BRF1: variants seen among roughly 807,000 people sequenced by gnomAD.
The protein encoded by BRF1 is BRF1 general transcription factor IIIB subunit, also known as transcription factor IIIB 90 kDa subunit.
BRF1 carries 59 observed loss-of-function variants against 81.7 expected under a neutral mutation model. The ratio of observed to expected loss-of-function variants is 0.72; its 90% CI spans 0.59 to 0.90. BRF1 has a LOEUF of 0.90. BRF1 is among the 40% of genes least tolerant of loss of function. The probability of loss-of-function intolerance (pLI) is 0.00; values close to 1 mark genes in which losing one functional copy is unlikely to be tolerated. For missense variants in BRF1, 1,050 were observed against 936.3 expected (o/e 1.12, Z -1.58); for synonymous variants, 491 against 395.6 (o/e 1.24, Z -2.86).
intron 6 of BRF1, among the ~76,000 whole-genome samples, 196 bp from the exon 7 acceptor site, chr14:105,229,109 C>G (rs2018404): frequency 6.6e-6 from 1 of 152,122 alleles, no homozygotes; most frequent in Admixed American, 6.5e-5. Context: ...TTGTGGGTGG[C>G]GGCTGCACCC....
intron 1 of BRF1, chr14:105,314,663 G>C (rs1211721910): frequency 7.0e-6 from 1 of 143,850 alleles, no homozygotes; most frequent in Non-Finnish European, 1.5e-5. Flanking sequence ...CGCCGGCGCG[G>C]GTCGGAGGGC....
intron 3 of BRF1, among the ~76,000 whole-genome samples, chr14:105,263,453 C>T (rs945358094): frequency 1.3e-5 from 2 of 151,992 alleles, no homozygotes; most frequent in Admixed American, 6.6e-5. Flanking sequence ...AGGCTGAGGC[C>T]CGCCAAGCCC....
intron 14 of BRF1, 72 bp downstream of exon 14, chr14:105,218,926 A>G (rs1891782457): frequency 6.2e-7 from 1 of 1,600,224 alleles, no homozygotes; most frequent in Admixed American, 1.7e-5. Context: ...GGGAAGGGAC[A>G]TTCCAGAGAC....
chr14:105,250,516 C>T (rs144025748), intron 5 of BRF1: 10 of 1,613,958 alleles, frequency 6.2e-6, no homozygotes, highest in African/African-American at 2.7e-5. Flanking sequence ...CGGCCAGTGC[C>T]GTCCTGGACG....
At chr14:105,302,445 C>T (rs1480674553), upstream of BRF1, among the ~76,000 whole-genome samples, 4 of 152,018 alleles carry the variant, frequency 2.6e-5, no homozygotes, top group East Asian at 5.8e-4. Context: ...TCAGGTGATC[C>T]GCCCACTTCA....
chr14:105,250,429 C>T lies in BRF1; in HGVS notation c.544+2078G>A, dbSNP rs587637269. 43 of 1,613,952 alleles carry T rather than the reference C, an allele frequency of 2.7e-5. No individual in the cohort carries two copies. In the East Asian group the frequency reaches 9.6e-4, roughly 36 times the overall value. On this transcript the variant is annotated intron_variant, in intron 5 of 17. Coordinates refer to ENST00000547530, the MANE Select transcript of BRF1 (RefSeq NM_001519.4). ...TTCTGGCTCAGAACTTGACCAAGTT[C>T]ATGTCAGACGGATCCAGTAACACCT...
At chr14:105,212,076 CA>C in intron 16 of BRF1, 36 bp downstream of exon 16, 2 of 1,608,088 alleles carry the variant, frequency 1.2e-6, no homozygotes, top group South Asian at 2.2e-5. Flanking sequence ...GGCTGCCTCC[CA>C]AGGTCTCCCT....
intron 5 of BRF1, chr14:105,250,188 T>G: frequency 6.2e-7 from 1 of 1,612,980 alleles, no homozygotes; most frequent in Non-Finnish European, 8.5e-7. Flanking sequence ...CGCCTGGACT[T>G]TCCCCTGACC....
intron 6 of BRF1, among the ~76,000 whole-genome samples, chr14:105,229,608 C>A (rs1205858720): frequency 6.6e-6 from 1 of 152,248 alleles, no homozygotes; most frequent in African/African-American, 2.4e-5. Flanking sequence ...TGGGGGGTCA[C>A]AGAGGTCCAA....
intron 3 of BRF1, among the ~76,000 whole-genome samples, chr14:105,270,259 C>T (rs1313370248): frequency 1.3e-5 from 2 of 151,630 alleles, no homozygotes; most frequent in South Asian, 2.1e-4. Flanking sequence ...CTGCAAGCTC[C>T]GCCTCCCGGG....
chr14:105,256,682 G>T, intron 3 of BRF1, 133 bp from the exon 4 acceptor site: 1 of 1,385,614 alleles, frequency 7.2e-7, no homozygotes, highest in South Asian at 1.4e-5. Context: ...CTCCACCTTT[G>T]ATCAGGAAGG....
In BRF1 at chr14:105,300,775, C is replaced by A; in HGVS notation, c.-146G>T. Reference sequence around the variant, plus strand: ...CCCCGCTCCAGCCGATTCGCAGCCGCAGATTCGCCGCGCGCGCCCGGGCCG... The same window carrying A: ...CCCCGCTCCAGCCGATTCGCAGCCGAAGATTCGCCGCGCGCGCCCGGGCCG... On this transcript the variant is annotated 5_prime_UTR_variant, in exon 1 of 18. Coordinates refer to ENST00000547530, the MANE Select transcript of BRF1 (RefSeq NM_001519.4). 1.8e-6 allele frequency: 1 copy of A among 557,736 alleles called. No homozygotes were observed. Among genetic ancestry groups the A allele is most frequent in the Non-Finnish European group, 2.5e-6 (1 of 402,806 alleles). The allele number at this position is 557,736 out of a possible 1,614,324, so 34.5% of individuals were successfully genotyped here. A position where few individuals can be genotyped will look rare whatever the true frequency, so the allele number is the denominator to read the frequency against.
chr14:105,249,607 G>A (rs754475864), intron 5 of BRF1: 4 of 1,589,584 alleles, frequency 2.5e-6, no homozygotes, highest in South Asian at 2.3e-5. Context: ...GTGCTTGGGA[G>A]CCAGCCCCTG....
intron 2 of BRF1, among the ~76,000 whole-genome samples, chr14:105,285,974 CA>C (rs1433984470): frequency 5.3e-5 from 8 of 152,224 alleles, no homozygotes; most frequent in African/African-American, 1.4e-4. Context: ...TGACAAAACG[CA>C]GTGAGAATGT....
At chr14:105,211,317 A>C in intron 16 of BRF1, 24 bp from the exon 17 acceptor site, 1 of 1,565,780 alleles carries the variant, frequency 6.4e-7, no homozygotes, top group Non-Finnish European at 8.7e-7. Context: ...GGGCTCTGAC[A>C]CACACAGAGC....
intron 10 of BRF1, among the ~76,000 whole-genome samples, chr14:105,224,713 A>G (rs1255099063): frequency 3.3e-5 from 5 of 152,082 alleles, no homozygotes; most frequent in Non-Finnish European, 7.4e-5. Flanking sequence ...ATGCCCAGCT[A>G]ATTTTTTTAT....
At chr14:105,310,533 C>CAAAA (rs764203821) in intron 1 of BRF1, among the ~76,000 whole-genome samples, 22 of 79,502 alleles carry the variant, frequency 2.8e-4, no homozygotes, top group Admixed American at 7.6e-4. Context: ...GACTCTGTCT[C>CAAAA]AAAAAAAAAA....
At chr14:105,314,456 C>A (rs1323024455) in intron 1 of BRF1, 1 of 119,012 alleles carries the variant, frequency 8.4e-6, no homozygotes, top group South Asian at 2.6e-4. Context: ...CCGCGGCTCC[C>A]GGGGGGCGGG....
intron 2 of BRF1, among the ~76,000 whole-genome samples, chr14:105,275,817 C>T (rs1210975036): frequency 1.3e-5 from 2 of 152,248 alleles, no homozygotes; most frequent in African/African-American, 2.4e-5. Flanking sequence ...GAGACTAGGT[C>T]AGGAGGCAGA....
Sources: gnomAD v4.1 joint callset for allele counts (sites outside exome capture counted in the v4.1 genomes callset) on GRCh38, gnomAD v4.1.1 for gene constraint, MANE v1.5 for transcripts, NCBI Gene and HGNC (gene_info 2026-07-23, HGNC 2026-07-21) for gene names.